The following LHFPL2 variants were observed in gnomAD, a reference collection of about 807,000 sequenced individuals.
LHFPL2 encodes LHFPL tetraspan subfamily member 2, also known as LHFPL tetraspan subfamily member 2 protein.
A neutral mutation model predicts 17.5 loss-of-function variants in LHFPL2; 7 were observed. The observed-to-expected ratio is 0.40, with a 90% CI of 0.23 to 0.75. LHFPL2 has a LOEUF of 0.75. Ranked by LOEUF, LHFPL2 falls within the 30% of genes least tolerant of loss-of-function variation. LHFPL2 has a pLI of 0.37. For missense variants in LHFPL2, 241 were observed against 294.8 expected, an observed-to-expected ratio of 0.82 and a Z score of 1.34; for synonymous variants, 134 against 116.2, an observed-to-expected ratio of 1.15 and a Z score of -0.99.
At chr5:78,586,591 C>T (rs1333189784) in intron 2 of LHFPL2, among the ~76,000 whole-genome samples, 2 of 152,144 alleles carry the variant, frequency 1.3e-5, no homozygotes, top group African/African-American at 2.4e-5. Context: ...TAACGAAGAC[C>T]ACCACTTGGC....
rs188012045 is a variant in LHFPL2, at chr5:78,570,848, C to A, written c.-244-5977G>T. ...AATAGGCCAGGCAAACAGGTGGCCG[C>A]AGTGAATAACTTGGGCTGTAAGTGC... On this transcript the variant is annotated intron_variant, in intron 2 of 4. Transcript: ENST00000380345. Among the ~76,000 whole-genome samples, 4 of 152,154 alleles carry A rather than the reference C, an allele frequency of 2.6e-5. 1 individual carries two copies. Among genetic ancestry groups the A allele is most frequent in the Admixed American group, 2.6e-4 (4 of 15,286 alleles).
chr5:78,572,687 T>C (rs1757032987), intron 2 of LHFPL2, among the ~76,000 whole-genome samples: 1 of 151,956 alleles, frequency 6.6e-6, no homozygotes. Context: ...GGGCTAGGAG[T>C]TACTCAAGAG....
At chr5:78,581,095 T>G (rs1221954794) in intron 2 of LHFPL2, among the ~76,000 whole-genome samples, 1 of 152,172 alleles carries the variant, frequency 6.6e-6, no homozygotes, top group Non-Finnish European at 1.5e-5. Context: ...AGGTATTTTA[T>G]TCTCTTTGAA....
Position 78,528,166 on chromosome 5 carries a change from A to T in LHFPL2, c.-185-17768T>A, listed in dbSNP as rs967410724. 2.0e-5 allele frequency among the ~76,000 whole-genome samples: 3 copies of T among 152,020 alleles called. No homozygotes were observed. The South Asian group carries it at 6.2e-4, about 32-fold the overall frequency. On this transcript the variant is annotated intron_variant, in intron 3 of 4. Transcript: ENST00000380345. ...AGAACTGTACCTGCTATGGGCTTCC[A>T]AGTTCTATTGTTCTAACTCAACTCT...
At chr5:78,559,025 T>A (rs964176478) in intron 3 of LHFPL2, among the ~76,000 whole-genome samples, 2 of 152,180 alleles carry the variant, frequency 1.3e-5, no homozygotes, top group African/African-American at 4.8e-5. Flanking sequence ...TCCATGAGGC[T>A]ATGTTTCATC....
intron 1 of LHFPL2, chr5:78,644,561 T>G (rs1580888507): frequency 1.9e-6 from 1 of 523,792 alleles, no homozygotes; most frequent in East Asian, 3.6e-5. Flanking sequence ...AGAGGAGGCC[T>G]CTTGGGTACA....
At chr5:78,545,707 C>G (rs567116617) in intron 3 of LHFPL2, among the ~76,000 whole-genome samples, 33 of 152,326 alleles carry the variant, frequency 2.2e-4, no homozygotes, top group African/African-American at 7.9e-4. Flanking sequence ...CAAAACAAAC[C>G]TAAGTGCCTG....
intron 2 of LHFPL2, among the ~76,000 whole-genome samples, chr5:78,571,625 G>A (rs988403156): frequency 6.6e-6 from 1 of 152,122 alleles, no homozygotes; most frequent in Non-Finnish European, 1.5e-5. Flanking sequence ...GGGTGAGGCA[G>A]GCCCCCCCAA....
chr5:78,554,017 G>T (rs867452848), intron 3 of LHFPL2, among the ~76,000 whole-genome samples: 22 of 152,328 alleles, frequency 1.4e-4, no homozygotes, highest in Admixed American at 5.9e-4. Context: ...AGGATCAGTG[G>T]TATCAAATTC....
intron 3 of LHFPL2, among the ~76,000 whole-genome samples, chr5:78,537,131 C>T (rs181098193): frequency 9.8e-5 from 15 of 152,294 alleles, no homozygotes; most frequent in Admixed American, 5.9e-4. Flanking sequence ...CGCTGCTCTA[C>T]GACTGTCCTC....
chr5:78,493,120 A>T (rs1754501962), intron 4 of LHFPL2, among the ~76,000 whole-genome samples: 1 of 152,238 alleles, frequency 6.6e-6, no homozygotes, highest in African/African-American at 2.4e-5. Flanking sequence ...CTTATTTATC[A>T]TTTCTTTGGG....
chr5:78,493,831 T>C (rs1754524108), intron 4 of LHFPL2, among the ~76,000 whole-genome samples: 1 of 152,200 alleles, frequency 6.6e-6, no homozygotes. Flanking sequence ...ACTTCTTCAA[T>C]GGGCATATGA....
At chr5:78,585,003 T>TG (rs1260006437) in intron 2 of LHFPL2, among the ~76,000 whole-genome samples, 1 of 49,836 alleles carries the variant, frequency 2.0e-5, no homozygotes. Flanking sequence ...GTGTTTTTTT[T>TG]TTTTTTTTTT....
intron 3 of LHFPL2, among the ~76,000 whole-genome samples, chr5:78,536,227 A>G (rs1327880642): frequency 1.3e-5 from 2 of 152,220 alleles, no homozygotes; most frequent in African/African-American, 4.8e-5. Context: ...ATGCCGTACC[A>G]AGTGGGGCTT....
At chr5:78,605,191 T>C (rs6894845) in intron 2 of LHFPL2, among the ~76,000 whole-genome samples, 2,370 of 152,322 alleles carry the variant, frequency 0.016, 63 homozygotes, top group African/African-American at 0.054. Context: ...TTTCGTTATA[T>C]TTCAAACATT....
rs184507152 is a variant in LHFPL2 at position 78,621,030 on chromosome 5, C to T, written c.-245+11234G>A. On this transcript the variant is annotated intron_variant, in intron 2 of 4. Coordinates refer to ENST00000380345, the MANE Select transcript of LHFPL2 (RefSeq NM_005779.3). ...TCACCCAGGCTGGAGTGTAGTGGCT[C>T]GATCTCGGCTCACTGCAACCTCTGC... 3.4e-3 allele frequency among the ~76,000 whole-genome samples: 505 copies of T among 150,150 alleles called. 3 individuals are homozygous for T. The highest frequency in any genetic ancestry group is 0.012 in the African/African-American group (480 of 40,762).
chr5:78,528,700 A>T (rs554636748), intron 3 of LHFPL2, among the ~76,000 whole-genome samples: 2 of 152,324 alleles, frequency 1.3e-5, no homozygotes, highest in East Asian at 3.9e-4. Flanking sequence ...ATGTGTACCC[A>T]CTAAATGCAC....
rs140977494 is a variant in LHFPL2 at position 78,525,102 on chromosome 5, A to C, written c.-185-14704T>G. 6.3e-3 allele frequency among the ~76,000 whole-genome samples: 952 copies of C among 152,320 alleles called. 11 individuals carry two copies. The highest frequency in any genetic ancestry group is 0.022 in the African/African-American group (918 of 41,554). On this transcript the variant is annotated intron_variant, in intron 3 of 4. Coordinates refer to ENST00000380345, the MANE Select transcript of LHFPL2 (RefSeq NM_005779.3). ...TCCTAGCTTCTTCCCACTATATGCC[A>C]GTAGCGCGCTCTCAGTCGTGGCCAA... is the stretch of plus-strand genomic sequence containing the variant.
At chr5:78,623,116 A>C (rs1744915919) in intron 2 of LHFPL2, among the ~76,000 whole-genome samples, 1 of 152,198 alleles carries the variant, frequency 6.6e-6, no homozygotes, top group Admixed American at 6.5e-5. Flanking sequence ...AATAACCACA[A>C]ACTTTGATTC....
Sources: gnomAD v4.1 joint callset for allele counts (sites outside exome capture counted in the v4.1 genomes callset) on GRCh38, gnomAD v4.1.1 for gene constraint, MANE v1.5 for transcripts, NCBI Gene and HGNC (gene_info 2026-07-23, HGNC 2026-07-21) for gene names.